Variants in AFAP1L1 observed in about 807,000 individuals in gnomAD.
AFAP1L1 encodes actin filament-associated protein 1-like 1.
Under a neutral mutation model 99.8 loss-of-function variants are expected in AFAP1L1, and 77 were observed. The ratio of observed to expected loss-of-function variants is 0.77; its 90% CI spans 0.64 to 0.93. The LOEUF (loss-of-function observed/expected upper bound fraction) is 0.93, where lower values mean the gene tolerates loss of function less well. AFAP1L1 is among the 40% of genes least tolerant of loss of function. The probability of loss-of-function intolerance (pLI) is 0.00; values close to 1 mark genes in which losing one functional copy is unlikely to be tolerated. For missense variants in AFAP1L1, 893 were observed against 996.8 expected (o/e 0.90, Z 1.40); for synonymous variants, 373 against 395.3 (o/e 0.94, Z 0.67).
At position 149,313,557 on chromosome 5, in the gene AFAP1L1, C is replaced by T. The variant is rs374796395; in HGVS notation, c.1020+1353C>T. 7.2e-5 allele frequency among the ~76,000 whole-genome samples: 11 copies of T among 152,302 alleles called. No individual in the cohort carries two copies. In the South Asian group the frequency reaches 1.7e-3, roughly 23 times the overall value. On this transcript the variant is annotated intron_variant, in intron 9 of 18. Coordinates refer to ENST00000296721, the MANE Select transcript of AFAP1L1 (RefSeq NM_152406.4). ...CTAGTTCTTGATGACCATGCTGCCCCTCCTCTCAAGGCCAGGATCCTGAGC... is the reference window on the plus strand; with the variant it reads ...CTAGTTCTTGATGACCATGCTGCCCTTCCTCTCAAGGCCAGGATCCTGAGC...
chr5:149,335,968 T>C (rs1757394514), intron 18 of AFAP1L1, among the ~76,000 whole-genome samples: 1 of 152,262 alleles, frequency 6.6e-6, no homozygotes, highest in African/African-American at 2.4e-5. Context: ...ACAATGTGTT[T>C]TCAGACAGGA....
intron 9 of AFAP1L1, 78 bp from the exon 10 acceptor site, chr5:149,315,743 G>A: frequency 8.4e-7 from 1 of 1,193,924 alleles, no homozygotes. Flanking sequence ...GAGTTGGAGG[G>A]AGATTGAACC....
Position 149,343,451 on chromosome 5 carries a change from A to G in AFAP1L1, c.*3421A>G, listed in dbSNP as rs1213155889. The stretch of plus-strand genomic sequence containing the variant: ...CATCCTAAATCTCTAAAATTCATCC[A>G]TATCTTCCTATCTTCACTGACACTA... On this transcript the variant is annotated 3_prime_UTR_variant, in exon 19 of 19. Coordinates refer to ENST00000296721, the MANE Select transcript of AFAP1L1 (RefSeq NM_152406.4). 1.3e-5 allele frequency among the ~76,000 whole-genome samples: 2 copies of G among 152,108 alleles called. No individual in the cohort carries two copies. The highest frequency in any genetic ancestry group is 3.9e-4 in the East Asian group (2 of 5,188).
intron 15 of AFAP1L1, among the ~76,000 whole-genome samples, chr5:149,328,317 GC>G (rs1339649704): frequency 2.0e-5 from 3 of 151,494 alleles, no homozygotes; most frequent in Non-Finnish European, 4.4e-5. Flanking sequence ...TCTGTATAGC[GC>G]ACAAAAAAAA....
intron 9 of AFAP1L1, among the ~76,000 whole-genome samples, chr5:149,315,328 TC>T (rs1307977799): frequency 6.6e-6 from 1 of 152,148 alleles, no homozygotes; most frequent in Non-Finnish European, 1.5e-5. Context: ...GTCTGCCAGC[TC>T]ATCTCTTTTT....
At position 149,307,204 on chromosome 5, in the gene AFAP1L1, G is replaced by A. The variant is rs186281423; in HGVS notation, c.536-198G>A. Among the ~76,000 whole-genome samples, 571 of 152,134 alleles carry A rather than the reference G, an allele frequency of 3.8e-3. 3 individuals carry two copies. Among genetic ancestry groups the A allele is most frequent in the African/African-American group, 0.013 (537 of 41,486 alleles). On this transcript the variant is annotated intron_variant, in intron 6 of 18. Transcript: ENST00000296721. ...AGAGGTTGCAGCGAGCCGAGATCAC[G>A]CCACTGTACTCCAGCCTGGGTGACA... is the stretch of plus-strand genomic sequence containing the variant.
rs1755120282 is a variant in AFAP1L1, at chr5:149,271,917, C to G, written c.-52C>G. ...GCAGCGCGCCGGCCGCTACCAGCCG[C>G]GCCGGAGCCCCTGCGCCCTGCGGCC... On this transcript the variant is annotated 5_prime_UTR_variant, in exon 1 of 19. Transcript: ENST00000296721. The G allele has an allele frequency of 8.3e-7, 1 of 1,210,798 alleles. No individual in the cohort carries two copies. The highest frequency in any genetic ancestry group is 4.1e-5 in the South Asian group (1 of 24,152). The allele number at this position is 1,210,798 out of a possible 1,614,324, so 75.0% of individuals were successfully genotyped here. A position where few individuals can be genotyped will look rare whatever the true frequency, so the allele number is the denominator to read the frequency against.
chr5:149,306,388 C>T lies in AFAP1L1; in HGVS notation c.519C>T (p.Gly173=), dbSNP rs1453740914. Residue 173 remains glycine (G), a synonymous_variant, in exon 6 of 19, where the codon GGC becomes GGT. Transcript: ENST00000296721. ...GCTACCCTGCAACCAGGGTGAACGG[C>T]GAGCTTAAGAGCTCCTGTAAGTACC... ...DSSYPATRVN[G]ELKSSYNDSD... 8 of 1,611,814 alleles carry T rather than the reference C, an allele frequency of 5.0e-6. No homozygotes were observed. The highest frequency in any genetic ancestry group is 2.5e-6 in the Non-Finnish European group (3 of 1,178,982).
intron 12 of AFAP1L1, among the ~76,000 whole-genome samples, chr5:149,319,223 T>C (rs1208669228): frequency 6.6e-6 from 1 of 152,176 alleles, no homozygotes; most frequent in Non-Finnish European, 1.5e-5. Flanking sequence ...AAATGGCCTC[T>C]TCTAATAAAA....
At chr5:149,314,907 G>C (rs1003096752) in intron 9 of AFAP1L1, among the ~76,000 whole-genome samples, 1 of 152,180 alleles carries the variant, frequency 6.6e-6, no homozygotes, top group Non-Finnish European at 1.5e-5. Context: ...AAGAAAGATG[G>C]CAGCACATCA....
intron 4 of AFAP1L1, among the ~76,000 whole-genome samples, chr5:149,301,726 C>A (rs997258591): frequency 6.6e-6 from 1 of 152,162 alleles, no homozygotes; most frequent in Non-Finnish European, 1.5e-5. Flanking sequence ...ATATAGGATG[C>A]GCAACCTTGG....
intron 1 of AFAP1L1, among the ~76,000 whole-genome samples, chr5:149,287,092 C>G (rs1160656316): frequency 6.6e-6 from 1 of 152,008 alleles, no homozygotes; most frequent in African/African-American, 2.4e-5. Flanking sequence ...GTGTTAGGCA[C>G]AGAGAATATT....
chr5:149,275,665 C>G (rs1755295672), intron 1 of AFAP1L1, among the ~76,000 whole-genome samples: 1 of 152,046 alleles, frequency 6.6e-6, no homozygotes, highest in African/African-American at 2.4e-5. Flanking sequence ...ACCACCATGC[C>G]CAGCTAATTT....
intron 9 of AFAP1L1, 99 bp downstream of exon 9, chr5:149,312,303 A>G: frequency 8.8e-7 from 1 of 1,137,682 alleles, no homozygotes; most frequent in Non-Finnish European, 1.3e-6. Flanking sequence ...AAAGTCAGGC[A>G]ACTGCCAAAC....
rs568312972 is a variant in AFAP1L1 at position 149,315,376 on chromosome 5, C to T, written c.1021-445C>T. On this transcript the variant is annotated intron_variant, in intron 9 of 18. Transcript: ENST00000296721. Reference sequence around the variant, plus strand: ...CTGTCATCTTGGTTCATGCTCTTGTCGAGTCTCATCATGACCAGGATGACA... The same window carrying T: ...CTGTCATCTTGGTTCATGCTCTTGTTGAGTCTCATCATGACCAGGATGACA... Among the ~76,000 whole-genome samples the T allele has an allele frequency of 4.6e-5, 7 of 152,228 alleles. No homozygotes were observed. In the South Asian group the frequency reaches 1.5e-3, roughly 32 times the overall value.
At chr5:149,315,665 C>G in intron 9 of AFAP1L1, 156 bp from the exon 10 acceptor site, 1 of 650,384 alleles carries the variant, frequency 1.5e-6, no homozygotes, top group African/African-American at 1.8e-5. Flanking sequence ...CTTTTCAATA[C>G]CTGGTATGGT....
intron 7 of AFAP1L1, among the ~76,000 whole-genome samples, chr5:149,307,974 G>A (rs1581318797): frequency 6.6e-6 from 1 of 151,894 alleles, no homozygotes; most frequent in Non-Finnish European, 1.5e-5. Context: ...TGGCCAACAT[G>A]GTGAAACCCC....
Position 149,300,374 on chromosome 5 carries a change from C to T in AFAP1L1, c.229+20C>T. 6.2e-7 allele frequency: 1 copy of T among 1,604,312 alleles called. No individual in the cohort carries two copies. Among genetic ancestry groups the T allele is most frequent in the East Asian group, 2.2e-5 (1 of 44,662 alleles). On this transcript the variant is annotated intron_variant, in intron 3 of 18. Coordinates refer to ENST00000296721, the MANE Select transcript of AFAP1L1 (RefSeq NM_152406.4). Reference sequence around the variant, plus strand: ...AATTTGGTAAGTGACCCTCTCCCAACCTCAGCTACGGAGCCATCCCTCTTT... The same window carrying T: ...AATTTGGTAAGTGACCCTCTCCCAATCTCAGCTACGGAGCCATCCCTCTTT...
chr5:149,327,482 A>T (rs984210227), intron 15 of AFAP1L1, among the ~76,000 whole-genome samples: 3 of 152,144 alleles, frequency 2.0e-5, no homozygotes. Flanking sequence ...CACTACAGTT[A>T]TATGGAATAT....
Sources: allele counts gnomAD v4.1 joint callset (sites outside exome capture counted in the v4.1 genomes callset), GRCh38; gene constraint gnomAD v4.1.1; transcripts MANE v1.5; gene names NCBI Gene and HGNC (gene_info 2026-07-23, HGNC 2026-07-21).